The following PDLIM5 variants were observed in gnomAD, a reference collection of about 807,000 sequenced individuals.
PDLIM5 encodes the protein PDZ and LIM domain 5, also known as PDZ and LIM domain protein 5.
Under a neutral mutation model 64.2 loss-of-function variants are expected in PDLIM5, and 34 were observed. The ratio of observed to expected loss-of-function variants is 0.53; its 90% CI spans 0.40 to 0.71. PDLIM5 has a LOEUF of 0.71. Among genes scored for constraint, PDLIM5 ranks in the 30% least tolerant of loss-of-function variants. PDLIM5 has a pLI of 0.00. For synonymous variants in PDLIM5, 253 were observed against 269.1 expected, an observed-to-expected ratio of 0.94 and a Z score of 0.59; for missense variants, 683 against 733.6, an observed-to-expected ratio of 0.93 and a Z score of 0.80.
At chr4:94,628,028 G>C (rs1016801291) in intron 8 of PDLIM5, among the ~76,000 whole-genome samples, 4 of 152,134 alleles carry the variant, frequency 2.6e-5, no homozygotes, top group Non-Finnish European at 5.9e-5. Flanking sequence ...AACTATGTAA[G>C]ATCTTATGTC....
intron 2 of PDLIM5, among the ~76,000 whole-genome samples, chr4:94,513,962 A>G (rs1021055575): frequency 2.0e-5 from 3 of 152,030 alleles, no homozygotes; most frequent in Non-Finnish European, 4.4e-5. Flanking sequence ...ATGCTTTTTC[A>G]GCATCAATTG....
At chr4:94,494,358 C>G (rs58821910) in intron 2 of PDLIM5, among the ~76,000 whole-genome samples, 4 of 144,226 alleles carry the variant, frequency 2.8e-5, no homozygotes, top group Non-Finnish European at 6.0e-5. Context: ...TATGGCCCTT[C>G]TTAATGAAAT....
At chr4:94,663,875 A>T in intron 12 of PDLIM5, 103 bp from the exon 13 acceptor site, 1 of 1,175,784 alleles carries the variant, frequency 8.5e-7, no homozygotes, top group Non-Finnish European at 1.2e-6. Flanking sequence ...TTGTCATATT[A>T]TCCATTGGGG....
intron 3 of PDLIM5, chr4:94,549,700 A>G (rs759740401): frequency 1.3e-5 from 2 of 152,208 alleles, no homozygotes; most frequent in Non-Finnish European, 2.9e-5. Context: ...GATACTGTAC[A>G]CACATGTTAG....
intron 9 of PDLIM5, among the ~76,000 whole-genome samples, chr4:94,648,189 T>A (rs1191217605): frequency 4.0e-5 from 6 of 151,250 alleles, no homozygotes; most frequent in Admixed American, 2.0e-4. Flanking sequence ...ATCGAGAATT[T>A]AAAAAAAATC....
At chr4:94,642,531 T>C (rs1741079533) in intron 9 of PDLIM5, among the ~76,000 whole-genome samples, 2 of 152,224 alleles carry the variant, frequency 1.3e-5, no homozygotes, top group Non-Finnish European at 2.9e-5. Context: ...TGCTCCCTCA[T>C]CTGTTAAATT....
rs141719357 is a variant in PDLIM5, at chr4:94,664,003, A to C, written c.1727A>C (p.Gln576Pro). 1.2e-6 allele frequency: 2 copies of C among 1,607,732 alleles called. No individual in the cohort carries two copies. Among genetic ancestry groups the C allele is most frequent in the African/African-American group, 2.7e-5 (2 of 74,764 alleles). ...GTGTGTTGTGAAAGTTTGGAAGGTC[A>C]GACCTTTTTCTCCAAGAAGGACAAG... ...CSVCCESLEGQTFFSKKDKPL... is the reference protein window; with the variant it reads ...CSVCCESLEGPTFFSKKDKPL... The change falls in exon 13 of 13, where the codon CAG (glutamine) becomes CCG (proline). Residue 576 changes from glutamine (Q) to proline (P), a missense_variant. Physicochemically the swap from Gln to Pro is moderately conservative, Grantham distance 76. Transcript: ENST00000317968.
At chr4:94,569,785 T>A (rs1734653892) in intron 3 of PDLIM5, among the ~76,000 whole-genome samples, 1 of 152,248 alleles carries the variant, frequency 6.6e-6, no homozygotes, top group South Asian at 2.1e-4. Context: ...TTTCCACTTA[T>A]GCTACTTAAA....
intron 7 of PDLIM5, among the ~76,000 whole-genome samples, chr4:94,606,568 T>G (rs1228976822): frequency 2.0e-5 from 3 of 152,150 alleles, no homozygotes; most frequent in Non-Finnish European, 4.4e-5. Flanking sequence ...GTGGACAAGC[T>G]TCATGACATA....
intron 3 of PDLIM5, among the ~76,000 whole-genome samples, chr4:94,538,210 A>T (rs887674620): frequency 3.3e-5 from 5 of 152,196 alleles, no homozygotes; most frequent in Admixed American, 6.5e-5. Context: ...CATTCTCTGA[A>T]TACTAATTAA....
chr4:94,491,302 C>T (rs1277956192), intron 2 of PDLIM5, among the ~76,000 whole-genome samples: 1 of 152,088 alleles, frequency 6.6e-6, no homozygotes, highest in African/African-American at 2.4e-5. Flanking sequence ...CATTTCTTTC[C>T]AGAGATTTTT....
At chr4:94,657,118 C>T (rs1295372355) in intron 10 of PDLIM5, among the ~76,000 whole-genome samples, 1 of 152,088 alleles carries the variant, frequency 6.6e-6, no homozygotes, top group Non-Finnish European at 1.5e-5. Context: ...AGTTTTGTAG[C>T]AAGCATTTAT....
At chr4:94,620,651 GT>G (rs1739148500) in intron 8 of PDLIM5, among the ~76,000 whole-genome samples, 1 of 151,992 alleles carries the variant, frequency 6.6e-6, no homozygotes, top group Non-Finnish European at 1.5e-5. Context: ...ATTTTTCACA[GT>G]GTTTAAATAT....
intron 3 of PDLIM5, among the ~76,000 whole-genome samples, chr4:94,549,297 C>T (rs1483248020): frequency 6.6e-6 from 1 of 152,072 alleles, no homozygotes; most frequent in Non-Finnish European, 1.5e-5. Context: ...TTTTCTCTGT[C>T]TCGATGTATG....
At position 94,654,521 on chromosome 4, in the gene PDLIM5, T is replaced by C. The variant is rs1742068114; in HGVS notation, c.1345T>C (p.Cys449Arg). 6.2e-7 allele frequency: 1 copy of C among 1,612,156 alleles called. No homozygotes were observed. Among genetic ancestry groups the C allele is most frequent in the Non-Finnish European group, 8.5e-7 (1 of 1,178,324 alleles). Residue 449 changes from cysteine (C) to arginine (R), a missense_variant, in exon 10 of 13, where the codon TGC becomes CGC. Transcript: ENST00000317968. ...WHPEEFNCAH[C>R]KNTMAYIGFV... ...CCCAGAAGAATTCAACTGCGCTCACTGCAAAAATACAATGGCCTACATTGG... is the reference window on the plus strand; with the variant it reads ...CCCAGAAGAATTCAACTGCGCTCACCGCAAAAATACAATGGCCTACATTGG...
In PDLIM5 at chr4:94,664,342, T is replaced by C; in HGVS notation, c.*275T>C. On this transcript the variant is annotated 3_prime_UTR_variant, in exon 13 of 13. Transcript: ENST00000317968. ...TTCCTGATGGACTATTAAATTCATC[T>C]TAGAATAAATTAGTGAAGAATTTAA... 5 of 688,642 alleles carry C rather than the reference T, an allele frequency of 7.3e-6. No individual in the cohort carries two copies. The highest frequency in any genetic ancestry group is 7.3e-6 in the Non-Finnish European group (4 of 550,750). The allele number at this position is 688,642 out of a possible 1,614,324, so 42.7% of individuals were successfully genotyped here.
intron 10 of PDLIM5, among the ~76,000 whole-genome samples, chr4:94,656,001 G>A (rs530802189): frequency 6.6e-6 from 1 of 152,088 alleles, no homozygotes; most frequent in Non-Finnish European, 1.5e-5. Flanking sequence ...TCCTTCAGTA[G>A]TGAACTGTGA....
At position 94,523,824 on chromosome 4, in the gene PDLIM5, C is replaced by T; in HGVS notation, c.197C>T (p.Ala66Val). 1 of 1,612,670 alleles carries T rather than the reference C, an allele frequency of 6.2e-7. No homozygotes were observed. The highest frequency in any genetic ancestry group is 8.5e-7 in the Non-Finnish European group (1 of 1,178,774). ...GCACAAGGAATGACTCATCTTGAAG[C>T]CCAGAATAAGATTAAGGGTTGTACA... ...INAQGMTHLEAQNKIKGCTGS... is the reference protein window; with the variant it reads ...INAQGMTHLEVQNKIKGCTGS... The change falls in exon 3 of 13, where the codon GCC becomes GTC. Residue 66 changes from alanine to valine, a missense_variant. Ala to Val is a moderately conservative substitution (Grantham distance 64). Transcript: ENST00000317968.
chr4:94,501,341 C>G (rs562576463), intron 2 of PDLIM5, among the ~76,000 whole-genome samples: 24 of 152,146 alleles, frequency 1.6e-4, no homozygotes, highest in Non-Finnish European at 3.1e-4. Flanking sequence ...ACTTGGGTCC[C>G]CCAAAGTGCT....
Sources: gnomAD v4.1 joint callset for allele counts (sites outside exome capture counted in the v4.1 genomes callset) on GRCh38, gnomAD v4.1.1 for gene constraint, MANE v1.5 for transcripts, NCBI Gene and HGNC (gene_info 2026-07-23, HGNC 2026-07-21) for gene names.